Variants in DMD observed in about 807,000 individuals in gnomAD.
DMD encodes dystrophin.
Under a neutral mutation model 330.1 loss-of-function variants are expected in DMD, and 63 were observed. The observed-to-expected ratio is 0.19, with a 90% CI of 0.16 to 0.24. The LOEUF (loss-of-function observed/expected upper bound fraction) is 0.24. Among genes scored for constraint, DMD ranks in the 10% least tolerant of loss-of-function variants. The pLI is 1.00. For missense variants in DMD, 3,344 were observed against 2,684.1 expected, an observed-to-expected ratio of 1.25 and a Z score of -5.43; for synonymous variants, 1,223 against 959.8, an observed-to-expected ratio of 1.27 and a Z score of -5.07.
At chrX:33,270,030 C>T in intron 1 of DMD, among the ~76,000 whole-genome samples, 1 of 109,936 alleles carries the variant, frequency 9.1e-6, no homozygotes, top group Non-Finnish European at 1.9e-5. Flanking sequence ...AGTGATTTAA[C>T]AGGGGCAATG....
At chrX:31,691,022 A>G (rs1307902766) in intron 52 of DMD, among the ~76,000 whole-genome samples, 1 of 110,738 alleles carries the variant, frequency 9.0e-6, no homozygotes, top group African/African-American at 3.3e-5. Context: ...AATGTAAATG[A>G]CAAGTTAATG....
At chrX:32,727,654 C>T (rs1003434794) in intron 7 of DMD, among the ~76,000 whole-genome samples, 4 of 110,641 alleles carry the variant, frequency 3.6e-5, no homozygotes, top group Non-Finnish European at 7.6e-5. Context: ...CATGTTACTG[C>T]GTCATAACAA....
intron 59 of DMD, among the ~76,000 whole-genome samples, chrX:31,449,765 T>TTG (rs1215983547): frequency 1.0e-4 from 3 of 29,137 alleles, no homozygotes; most frequent in Non-Finnish European, 2.3e-4. Flanking sequence ...AATGGTGTGA[T>TTG]ATATATATAT....
intron 1 of DMD, among the ~76,000 whole-genome samples, chrX:33,100,198 A>G (rs1284401109): frequency 3.6e-5 from 4 of 111,640 alleles, no homozygotes; most frequent in Non-Finnish European, 7.5e-5. Flanking sequence ...CAGCAAAACC[A>G]TATGACAGAA....
At chrX:33,330,941 A>G (rs928506996) in intron 1 of DMD, among the ~76,000 whole-genome samples, 10 of 111,801 alleles carry the variant, frequency 8.9e-5, no homozygotes, top group Non-Finnish European at 1.7e-4. Context: ...CTGGGTTCAC[A>G]GTTGCTGTTG....
chrX:32,452,176 T>C (rs768959304), intron 26 of DMD, among the ~76,000 whole-genome samples: 9 of 106,651 alleles, frequency 8.4e-5, no homozygotes, highest in Non-Finnish European at 1.2e-4. Context: ...AATGACTCTA[T>C]AGTATCTACT....
At chrX:32,439,966 C>T (rs1005869282) in intron 28 of DMD, among the ~76,000 whole-genome samples, 3 of 110,889 alleles carry the variant, frequency 2.7e-5, no homozygotes, top group Non-Finnish European at 5.7e-5. Flanking sequence ...TTTCTAAATG[C>T]TCTTCATTAT....
Position 32,573,741 on chromosome X carries a change from A to C in DMD, c.1704+4T>G, listed in dbSNP as rs1311057690. 8.3e-7 allele frequency: 1 copy of C among 1,209,631 alleles called. No individual in the cohort carries two copies. Among genetic ancestry groups the C allele is most frequent in the Admixed American group, 2.2e-5 (1 of 45,998 alleles). ...TTACAGCTAGTTTCTCACACATGACACACCTGTTCTTCAGTAAGACGTTGC... is the reference window on the plus strand; with the variant it reads ...TTACAGCTAGTTTCTCACACATGACCCACCTGTTCTTCAGTAAGACGTTGC... On this transcript the variant is annotated splice_donor_region_variant and intron_variant, in intron 14 of 78. Coordinates refer to ENST00000357033, the MANE Select transcript of DMD (RefSeq NM_004006.3).
chrX:31,648,231 T>C (rs891310171), intron 54 of DMD, among the ~76,000 whole-genome samples: 1 of 111,708 alleles, frequency 9.0e-6, no homozygotes, highest in Non-Finnish European at 1.9e-5. Flanking sequence ...TCTTTATTTG[T>C]AAATTTTTGA....
At chrX:31,713,473 G>C (rs970771402) in intron 52 of DMD, among the ~76,000 whole-genome samples, 1 of 111,356 alleles carries the variant, frequency 9.0e-6, no homozygotes, top group African/African-American at 3.3e-5. Flanking sequence ...GTACACATTT[G>C]TCTTTCCCTA....
At chrX:32,822,150 TCAATA>T (rs978888092) in intron 5 of DMD, among the ~76,000 whole-genome samples, 5 of 111,882 alleles carry the variant, frequency 4.5e-5, no homozygotes, top group African/African-American at 1.6e-4. Context: ...CTTTAAGCAA[TCAATA>T]CAAGTCATAT....
chrX:31,734,150 T>G (rs2086699721), intron 51 of DMD, among the ~76,000 whole-genome samples: 1 of 111,371 alleles, frequency 9.0e-6, no homozygotes, highest in Non-Finnish European at 1.9e-5. Context: ...CACATTATTT[T>G]TAATTATTTA....
intron 16 of DMD, among the ~76,000 whole-genome samples, chrX:32,552,837 G>C (rs969341073): frequency 8.9e-6 from 1 of 111,990 alleles, no homozygotes; most frequent in African/African-American, 3.2e-5. Context: ...ATAATCATTA[G>C]AGAAGTGCAG....
chrX:32,336,173 T>C lies in DMD; in HGVS notation c.5922+5927A>G, dbSNP rs774998480. On this transcript the variant is annotated intron_variant, in intron 41 of 78. Transcript: ENST00000357033. ...ATGTTATCTGTGTGTGTATAACATG[T>C]GTATATATGTATAGCATGTCATATA... 1.9e-3 allele frequency among the ~76,000 whole-genome samples: 205 copies of C among 109,994 alleles called. 1 individual carries two copies. The highest frequency in any genetic ancestry group is 6.3e-3 in the African/African-American group (190 of 30,383).
At chrX:32,866,732 GGTGGGGGGGT>G (rs2082523958) in intron 2 of DMD, among the ~76,000 whole-genome samples, 1 of 33,303 alleles carries the variant, frequency 3.0e-5, no homozygotes, top group African/African-American at 1.1e-4. Context: ...TTTGGGGGGG[GGTGGGGGGGT>G]GGGGGGGGGG....
intron 13 of DMD, among the ~76,000 whole-genome samples, chrX:32,584,429 A>G (rs2053991820): frequency 8.9e-6 from 1 of 111,964 alleles, no homozygotes; most frequent in Non-Finnish European, 1.9e-5. Context: ...TTAGGTAAAT[A>G]CCTAATACAA....
chrX:31,943,485 G>A (rs1282308960), intron 45 of DMD, among the ~76,000 whole-genome samples: 3 of 111,802 alleles, frequency 2.7e-5, no homozygotes, highest in Non-Finnish European at 5.6e-5. Context: ...CCAACTATGA[G>A]AAACTATATC....
chrX:32,197,758 ACAC>A (rs2097013288), intron 44 of DMD, among the ~76,000 whole-genome samples: 1 of 111,873 alleles, frequency 8.9e-6, no homozygotes, highest in African/African-American at 3.2e-5. Context: ...GTATTATACA[ACAC>A]ATTGTATTGA....
chrX:31,530,994 C>T (rs12382340), intron 55 of DMD, among the ~76,000 whole-genome samples: 1 of 88,666 alleles, frequency 1.1e-5, no homozygotes, highest in Non-Finnish European at 2.1e-5. Context: ...GTCCCTACAA[C>T]GGACATGAAC....
Sources: gnomAD v4.1 joint callset for allele counts (sites outside exome capture counted in the v4.1 genomes callset) on GRCh38, gnomAD v4.1.1 for gene constraint, MANE v1.5 for transcripts, NCBI Gene and HGNC (gene_info 2026-07-23, HGNC 2026-07-21) for gene names.